Variants in TFPT observed in about 807,000 individuals in gnomAD.
TFPT encodes TCF3 fusion partner, also known as INO80 complex subunit F.
TFPT carries 27 observed loss-of-function variants against 28.8 expected under a neutral mutation model. The observed-to-expected ratio is 0.94, with a 90% CI of 0.69 to 1.29. The LOEUF is 1.29. Ranked by LOEUF, TFPT falls within the 50% of genes most tolerant of loss-of-function variation. The pLI is 0.00. For synonymous variants in TFPT, 152 were observed against 142.8 expected, an observed-to-expected ratio of 1.06 and a Z score of -0.46; for missense variants, 330 against 338.0, an observed-to-expected ratio of 0.98 and a Z score of 0.19.
chr19:54,110,627 G>A (rs2146359882), intron 2 of TFPT, among the ~76,000 whole-genome samples: 1 of 152,166 alleles, frequency 6.6e-6, no homozygotes, highest in East Asian at 1.9e-4. Context: ...CACGAACCTG[G>A]GAGGTGGAGG....
At chr19:54,114,006 C>G (rs1270849918) in intron 2 of TFPT, among the ~76,000 whole-genome samples, 1 of 152,142 alleles carries the variant, frequency 6.6e-6, no homozygotes, top group Non-Finnish European at 1.5e-5. Flanking sequence ...TTATTCTCAG[C>G]AAGGAGGCTA....
At chr19:54,107,698 C>T (rs1175710888) in intron 5 of TFPT, 1 of 378,438 alleles carries the variant, frequency 2.6e-6, no homozygotes, top group Admixed American at 4.2e-5. Context: ...CCTTCCTTCT[C>T]CTCTACTCCC....
chr19:54,110,128 G>A lies in TFPT; in HGVS notation c.283-7C>T. On this transcript the variant is annotated splice_polypyrimidine_tract_variant and splice_region_variant and intron_variant, in intron 2 of 5. Coordinates refer to ENST00000391759, the MANE Select transcript of TFPT (RefSeq NM_013342.4). ...TCAGGACCCGCTCGTTCACCTATGG[G>A]GTGGGAAACGCCCATCAGCTGGATC... is the stretch of plus-strand genomic sequence containing the variant. The A allele has an allele frequency of 6.2e-7, 1 of 1,614,022 alleles. No homozygotes were observed. Among genetic ancestry groups the A allele is most frequent in the Non-Finnish European group, 8.5e-7 (1 of 1,179,986 alleles).
At chr19:54,113,123 TTG>T (rs2073502391) in intron 2 of TFPT, among the ~76,000 whole-genome samples, 1 of 129,206 alleles carries the variant, frequency 7.7e-6, no homozygotes, top group African/African-American at 2.9e-5. Flanking sequence ...AAAAAAAAAG[TTG>T]AATTATTTCC....
chr19:54,114,169 T>C (rs376393113), intron 2 of TFPT, among the ~76,000 whole-genome samples: 54 of 152,270 alleles, frequency 3.5e-4, no homozygotes, highest in African/African-American at 1.1e-3. Flanking sequence ...GAGCTTGGGC[T>C]TTCACCTGTG....
intron 3 of TFPT, 37 bp from the exon 4 acceptor site, chr19:54,108,432 T>A: frequency 6.2e-7 from 1 of 1,613,878 alleles, no homozygotes; most frequent in Admixed American, 1.7e-5. Context: ...GAATAACTTA[T>A]CTCCTAGCGG....
Position 54,107,043 on chromosome 19 carries a change from G to T in TFPT, c.*7C>A. 1 of 1,613,358 alleles carries T rather than the reference G, an allele frequency of 6.2e-7. No homozygotes were observed. On this transcript the variant is annotated 3_prime_UTR_variant, in exon 6 of 6. Coordinates refer to ENST00000391759, the MANE Select transcript of TFPT (RefSeq NM_013342.4). The stretch of plus-strand genomic sequence containing the variant: ...GGTGAGTGTGGGGTCAGTTTATTGG[G>T]CATGCGTCAGTCAGAGGCTGGGCTG...
chr19:54,115,096 G>T, intron 1 of TFPT, 151 bp downstream of exon 1: 2 of 1,197,764 alleles, frequency 1.7e-6, no homozygotes, highest in Non-Finnish European at 2.4e-6. Context: ...CCCTCAGGAT[G>T]ACCCCAGTCC....
intron 2 of TFPT, among the ~76,000 whole-genome samples, chr19:54,111,497 TAAAAAAAA>T (rs11304668): frequency 2.7e-5 from 3 of 111,094 alleles, no homozygotes; most frequent in African/African-American, 9.6e-5. Flanking sequence ...TCATCTCTAC[TAAAAAAAA>T]AAAAAAAAAA....
intron 2 of TFPT, among the ~76,000 whole-genome samples, chr19:54,110,464 C>T (rs587739632): frequency 2.3e-4 from 35 of 152,284 alleles, no homozygotes; most frequent in South Asian, 1.0e-3. Flanking sequence ...CGGTGGCTCA[C>T]GCCTGTAATC....
chr19:54,110,028 A>C (rs1484174343), intron 3 of TFPT, 23 bp downstream of exon 3: 2 of 1,613,008 alleles, frequency 1.2e-6, no homozygotes, highest in East Asian at 4.5e-5. Context: ...TCACAGGCCC[A>C]GAGGGGACAG....
chr19:54,109,705 C>T (rs1466884214), intron 3 of TFPT, among the ~76,000 whole-genome samples: 1 of 151,124 alleles, frequency 6.6e-6, no homozygotes, highest in African/African-American at 2.4e-5. Flanking sequence ...TGCTTAGAGT[C>T]ACACAGCAAA....
At position 54,110,037 on chromosome 19, in the gene TFPT, A is replaced by C. The variant is rs12609379; in HGVS notation, c.353+14T>G. The C allele has an allele frequency of 1.2e-6, 2 of 1,613,672 alleles. No individual in the cohort carries two copies. The highest frequency in any genetic ancestry group is 1.7e-6 in the Non-Finnish European group (2 of 1,179,840). Reference sequence around the variant, plus strand: ...TGAGGCTCACAGGCCCAGAGGGGACAGAGAAGGGGTTACCTCCGTTCCTGC... The same window carrying C: ...TGAGGCTCACAGGCCCAGAGGGGACCGAGAAGGGGTTACCTCCGTTCCTGC... On this transcript the variant is annotated intron_variant, in intron 3 of 5. Transcript: ENST00000391759.
At chr19:54,107,310 G>A in intron 5 of TFPT, 141 bp from the exon 6 acceptor site, 1 of 1,141,886 alleles carries the variant, frequency 8.8e-7, no homozygotes, top group Non-Finnish European at 1.2e-6. Flanking sequence ...GTGCAGTGGT[G>A]CCATCATAGT....
intron 2 of TFPT, among the ~76,000 whole-genome samples, chr19:54,111,802 G>A (rs1170334126): frequency 6.7e-6 from 1 of 150,036 alleles, no homozygotes; most frequent in Non-Finnish European, 1.5e-5. Flanking sequence ...CTAACGTGGT[G>A]AAACCCTGTC....
At chr19:54,115,072 C>A in intron 1 of TFPT, 175 bp downstream of exon 1, 1 of 1,002,688 alleles carries the variant, frequency 1.0e-6, no homozygotes, top group East Asian at 2.5e-5. Flanking sequence ...AGTCCAAACC[C>A]CTAACCTTCT....
chr19:54,108,576 A>T, intron 3 of TFPT, 181 bp from the exon 4 acceptor site: 1 of 1,584,074 alleles, frequency 6.3e-7, no homozygotes. Context: ...TGAGACCTCG[A>T]GCAAGACAAG....
At chr19:54,108,784 A>G in intron 3 of TFPT, 1 of 615,652 alleles carries the variant, frequency 1.6e-6, no homozygotes, top group Non-Finnish European at 2.7e-6. Context: ...GCTCCTCCTA[A>G]TGACCTCACC....
At chr19:54,107,959 CT>C in intron 5 of TFPT, 66 bp downstream of exon 5, 1 of 1,481,776 alleles carries the variant, frequency 6.7e-7, no homozygotes, top group Non-Finnish European at 9.0e-7. Context: ...TGAGTCCCCC[CT>C]CCTTACCTGC....
Sources: allele counts gnomAD v4.1 joint callset (sites outside exome capture counted in the v4.1 genomes callset), GRCh38; gene constraint gnomAD v4.1.1; transcripts MANE v1.5; gene names NCBI Gene and HGNC (gene_info 2026-07-23, HGNC 2026-07-21).